The following SKAP2 variants were observed in gnomAD, a reference collection of about 807,000 sequenced individuals.
SKAP2 encodes the protein src kinase-associated phosphoprotein 2.
SKAP2 carries 28 observed loss-of-function variants against 54.9 expected under a neutral mutation model. That is an observed-to-expected ratio of 0.51 (90% CI 0.38 to 0.70). SKAP2 has a LOEUF of 0.70. Among genes scored for constraint, SKAP2 ranks in the 30% least tolerant of loss-of-function variants. SKAP2 has a pLI of 0.00. For missense variants in SKAP2, 356 were observed against 424.1 expected (o/e 0.84, Z 1.41); for synonymous variants, 137 against 134.3 (o/e 1.02, Z -0.14).
At chr7:26,843,995 TGA>T in intron 4 of SKAP2, 33 bp downstream of exon 4, 2 of 1,264,894 alleles carry the variant, frequency 1.6e-6, no homozygotes, top group Non-Finnish European at 2.3e-6. Context: ...TTGTTTTGTG[TGA>T]GTGTCAGAGT....
At chr7:26,767,786 A>C (rs968203040) in intron 4 of SKAP2, among the ~76,000 whole-genome samples, 2 of 152,152 alleles carry the variant, frequency 1.3e-5, no homozygotes, top group Non-Finnish European at 2.9e-5. Context: ...TGAGTTTCTT[A>C]ATCCTGAGTT....
chr7:26,741,371 ACTGGGTGTAGTGGT>A (rs1239574378), intron 4 of SKAP2, among the ~76,000 whole-genome samples: 201 of 151,106 alleles, frequency 1.3e-3, no homozygotes, highest in Non-Finnish European at 2.2e-3. Flanking sequence ...TTTAAAAATA[ACTGGGTGTAGTGGT>A]ATACGCGCCT....
intron 4 of SKAP2, among the ~76,000 whole-genome samples, chr7:26,765,109 G>A (rs1212816330): frequency 5.9e-5 from 9 of 152,114 alleles, no homozygotes; most frequent in Non-Finnish European, 8.8e-5. Flanking sequence ...GTATAAAAGC[G>A]TTCCTATTTC....
intron 9 of SKAP2, among the ~76,000 whole-genome samples, chr7:26,712,408 T>C (rs926671139): frequency 1.1e-4 from 16 of 152,200 alleles, no homozygotes; most frequent in African/African-American, 3.6e-4. Context: ...TGAGATTTGG[T>C]TGGTACGTTC....
At chr7:26,771,059 T>A (rs1327708870) in intron 4 of SKAP2, among the ~76,000 whole-genome samples, 7 of 152,248 alleles carry the variant, frequency 4.6e-5, no homozygotes, top group Non-Finnish European at 1.0e-4. Context: ...CTTCTAGTTA[T>A]GATCTATAAC....
chr7:26,700,108 T>C (rs1033593168), intron 9 of SKAP2, among the ~76,000 whole-genome samples: 1 of 152,194 alleles, frequency 6.6e-6, no homozygotes, highest in Non-Finnish European at 1.5e-5. Context: ...CAATGATGAA[T>C]AGGTTGGATA....
At chr7:26,768,426 G>C (rs1221935756) in intron 4 of SKAP2, among the ~76,000 whole-genome samples, 1 of 152,088 alleles carries the variant, frequency 6.6e-6, no homozygotes, top group Non-Finnish European at 1.5e-5. Flanking sequence ...TTGCAGGTCT[G>C]TGTCTTTTAT....
At chr7:26,720,853 A>G (rs1787563511) in intron 9 of SKAP2, among the ~76,000 whole-genome samples, 1 of 152,170 alleles carries the variant, frequency 6.6e-6, no homozygotes, top group African/African-American at 2.4e-5. Flanking sequence ...GGTCCCTCCC[A>G]GGACACATGG....
chr7:26,811,733 T>C (rs1459954952), intron 4 of SKAP2, among the ~76,000 whole-genome samples: 1 of 152,108 alleles, frequency 6.6e-6, no homozygotes, highest in African/African-American at 2.4e-5. Flanking sequence ...TGTTAAGCTA[T>C]TAAAAGAGAA....
intron 4 of SKAP2, among the ~76,000 whole-genome samples, chr7:26,741,981 AGAGCCCT>A (rs1350779021): frequency 6.6e-6 from 1 of 152,220 alleles, no homozygotes; most frequent in African/African-American, 2.4e-5. Flanking sequence ...TATTTAAAAT[AGAGCCCT>A]GATTTTGAAA....
At chr7:26,786,631 C>CT (rs968425669) in intron 4 of SKAP2, among the ~76,000 whole-genome samples, 1 of 152,168 alleles carries the variant, frequency 6.6e-6, no homozygotes, top group Non-Finnish European at 1.5e-5. Flanking sequence ...CAACGGGTGC[C>CT]TGTGTGCATG....
intron 4 of SKAP2, among the ~76,000 whole-genome samples, chr7:26,833,586 A>G (rs1375674075): frequency 6.6e-6 from 1 of 152,130 alleles, no homozygotes; most frequent in Admixed American, 6.5e-5. Flanking sequence ...TCTCTGATAA[A>G]ACAGACATTA....
intron 4 of SKAP2, among the ~76,000 whole-genome samples, chr7:26,828,724 C>A (rs61354389): frequency 7.0e-6 from 1 of 142,138 alleles, no homozygotes; most frequent in East Asian, 2.2e-4. Context: ...ATCTTAGACA[C>A]GTCACAAAAG....
At position 26,732,845 on chromosome 7, in the gene SKAP2, G is replaced by A. The variant is rs185090104; in HGVS notation, c.470-5839C>T. Reference sequence around the variant, plus strand: ...ACTAGATATCAAACCAACAACATTCGTGGTCATCAGACCCTTAGTAAAACT... The same window carrying A: ...ACTAGATATCAAACCAACAACATTCATGGTCATCAGACCCTTAGTAAAACT... On this transcript the variant is annotated intron_variant, in intron 6 of 12. Transcript: ENST00000345317. Among the ~76,000 whole-genome samples the A allele has an allele frequency of 9.2e-5, 14 of 152,208 alleles. No individual in the cohort carries two copies. In the East Asian group the frequency reaches 1.5e-3, roughly 17 times the overall value.
intron 4 of SKAP2, 45 bp from the exon 5 acceptor site, chr7:26,740,009 A>G (rs1426539184): frequency 8.1e-7 from 1 of 1,237,902 alleles, no homozygotes; most frequent in Non-Finnish European, 1.2e-6. Flanking sequence ...TGGGTAATCC[A>G]TTTCAGAATA....
intron 9 of SKAP2, among the ~76,000 whole-genome samples, chr7:26,697,644 C>T (rs577125243): frequency 7.4e-5 from 11 of 149,190 alleles, no homozygotes; most frequent in African/African-American, 2.0e-4. Flanking sequence ...AATTACAGCT[C>T]ATTTTTTTTT....
At chr7:26,847,588 A>AT (rs1784953062) in intron 3 of SKAP2, among the ~76,000 whole-genome samples, 1 of 152,232 alleles carries the variant, frequency 6.6e-6, no homozygotes, top group East Asian at 1.9e-4. Flanking sequence ...ATCCAATATA[A>AT]TTTACAGACA....
At chr7:26,785,401 T>A (rs751408772) in intron 4 of SKAP2, among the ~76,000 whole-genome samples, 1 of 152,090 alleles carries the variant, frequency 6.6e-6, no homozygotes, top group Non-Finnish European at 1.5e-5. Flanking sequence ...TTAGCCAGGA[T>A]GGTCTCGATC....
downstream of SKAP2, chr7:26,666,964 T>C (rs969414781): frequency 2.6e-5 from 4 of 152,212 alleles, no homozygotes; most frequent in Admixed American, 2.6e-4. Context: ...CTTCACCTTG[T>C]TGTGCTTAAT....
Sources: allele counts gnomAD v4.1 joint callset (sites outside exome capture counted in the v4.1 genomes callset), GRCh38; gene constraint gnomAD v4.1.1; transcripts MANE v1.5; gene names NCBI Gene and HGNC (gene_info 2026-07-23, HGNC 2026-07-21).